Variants in CPE observed in about 807,000 individuals in gnomAD.
CPE encodes the protein carbocypeptidase E.
A neutral mutation model predicts 53.5 loss-of-function variants in CPE; 17 were observed. That is an observed-to-expected ratio of 0.32 (90% confidence interval 0.22 to 0.48). The LOEUF is 0.48. Ranked by LOEUF, CPE falls within the 20% of genes least tolerant of loss-of-function variation. The pLI is 0.99. For missense variants in CPE, 524 were observed against 614.7 expected (o/e 0.85, Z 1.56); for synonymous variants, 226 against 228.8 (o/e 0.99, Z 0.11).
At chr4:165,493,058 G>A (rs1182210733) in intron 6 of CPE, 113 bp from the exon 7 acceptor site, 1 of 641,346 alleles carries the variant, frequency 1.6e-6, no homozygotes, top group Non-Finnish European at 2.7e-6. Context: ...AAACAATGGG[G>A]GTCTACGGTA....
At position 165,483,383 on chromosome 4, in the gene CPE, T is replaced by C. The variant is rs867926161; in HGVS notation, c.790+1024T>C. Among the ~76,000 whole-genome samples, 42 of 152,254 alleles carry C rather than the reference T, an allele frequency of 2.8e-4. 1 individual carries two copies. The highest frequency in any genetic ancestry group is 1.5e-4 in the Non-Finnish European group (10 of 68,040). ...TATGTACCACATTTTCTTTATCTAATCAACCATTGATGGACAATTAGGTTG... is the reference window on the plus strand; with the variant it reads ...TATGTACCACATTTTCTTTATCTAACCAACCATTGATGGACAATTAGGTTG... On this transcript the variant is annotated intron_variant, in intron 4 of 8. Coordinates refer to ENST00000402744, the MANE Select transcript of CPE (RefSeq NM_001873.4).
intron 1 of CPE, among the ~76,000 whole-genome samples, chr4:165,416,735 C>A (rs1001454913): frequency 2.0e-5 from 3 of 151,830 alleles, no homozygotes; most frequent in African/African-American, 4.8e-5. Context: ...CTAGATAGTG[C>A]GGTGGCCCCA....
Position 165,392,186 on chromosome 4 carries a change from A to G in CPE, c.307+12658A>G, listed in dbSNP as rs1399118286. On this transcript the variant is annotated intron_variant, in intron 1 of 8. Transcript: ENST00000402744. ...GAGCATATACTAATAGAAATATAAT[A>G]TACTTATATATATATAGTATATGTA... Among the ~76,000 whole-genome samples the G allele has an allele frequency of 2.0e-5, 3 of 147,424 alleles. No individual in the cohort carries two copies. The East Asian group carries it at 5.8e-4, about 29-fold the overall frequency.
intron 1 of CPE, among the ~76,000 whole-genome samples, chr4:165,448,022 G>A (rs978470203): frequency 6.6e-6 from 1 of 152,034 alleles, no homozygotes; most frequent in African/African-American, 2.4e-5. Flanking sequence ...CTAAATATAT[G>A]CATGTATATA....
At chr4:165,453,332 T>TTCTTTCC (rs1731846225) in intron 1 of CPE, among the ~76,000 whole-genome samples, 1 of 149,458 alleles carries the variant, frequency 6.7e-6, no homozygotes, top group African/African-American at 2.5e-5. Flanking sequence ...TCCTTCCTTC[T>TTCTTTCC]TTCCTTCCTT....
chr4:165,457,490 T>C (rs1731921482), intron 1 of CPE, among the ~76,000 whole-genome samples: 1 of 152,248 alleles, frequency 6.6e-6, no homozygotes, highest in South Asian at 2.1e-4. Context: ...ATACCTTCTG[T>C]TCTTTTGCTC....
intron 1 of CPE, among the ~76,000 whole-genome samples, chr4:165,434,796 A>T (rs1203307264): frequency 6.6e-6 from 1 of 152,094 alleles, no homozygotes; most frequent in East Asian, 1.9e-4. Flanking sequence ...GACCCCTCCA[A>T]ATCTCATGTT....
chr4:165,455,040 C>A (rs1560887379), intron 1 of CPE, among the ~76,000 whole-genome samples: 1 of 152,216 alleles, frequency 6.6e-6, no homozygotes. Flanking sequence ...ACATAACTAT[C>A]TTGGAAAACC....
intron 1 of CPE, chr4:165,403,927 T>A (rs1376303529): frequency 4.0e-6 from 2 of 499,906 alleles, no homozygotes; most frequent in Non-Finnish European, 7.4e-6. Context: ...TGAAGGCACT[T>A]TAATCAGGGA....
chr4:165,386,329 T>C (rs747306944), intron 1 of CPE: 3 of 478,418 alleles, frequency 6.3e-6, no homozygotes, highest in Non-Finnish European at 1.2e-5. Context: ...TTGTATTTTG[T>C]TTATATATAT....
chr4:165,418,122 G>A (rs1731155309), intron 1 of CPE: 1 of 152,192 alleles, frequency 6.6e-6, no homozygotes, highest in Non-Finnish European at 1.5e-5. Context: ...TAATAAGGGT[G>A]TTGTTTAAAA....
At chr4:165,489,282 C>A (rs1257477723) in intron 6 of CPE, among the ~76,000 whole-genome samples, 2 of 151,948 alleles carry the variant, frequency 1.3e-5, no homozygotes, top group East Asian at 1.9e-4. Context: ...ATTTAATAAT[C>A]TTTAAATGTT....
At chr4:165,410,056 T>C (rs934907326) in intron 1 of CPE, among the ~76,000 whole-genome samples, 13 of 152,046 alleles carry the variant, frequency 8.6e-5, no homozygotes, top group African/African-American at 3.1e-4. Context: ...GAGACCAGCC[T>C]GGCCAACATG....
chr4:165,467,965 G>T lies in CPE; in HGVS notation c.672+110G>T, dbSNP rs1732138845. On this transcript the variant is annotated intron_variant, in intron 3 of 8. Transcript: ENST00000402744. ...GGAGTAACATCACAGCTTGTATGGG[G>T]TGGTTAACTGTGGCTTTAAGTCAAG... The T allele has an allele frequency of 3.3e-6, 4 of 1,194,848 alleles. No individual in the cohort carries two copies. The South Asian group carries it at 6.4e-5, about 19-fold the overall frequency. The allele number at this position is 1,194,848 out of a possible 1,614,324, so 74.0% of individuals were successfully genotyped here.
At chr4:165,380,660 A>G (rs977338918) in intron 1 of CPE, among the ~76,000 whole-genome samples, 1 of 152,218 alleles carries the variant, frequency 6.6e-6, no homozygotes, top group African/African-American at 2.4e-5. Flanking sequence ...ATGATACGTA[A>G]GAACCAAACT....
At chr4:165,455,869 T>C (rs142464994) in intron 1 of CPE, among the ~76,000 whole-genome samples, 2,665 of 152,256 alleles carry the variant, frequency 0.018, 74 homozygotes, top group African/African-American at 0.059. Flanking sequence ...GCCAGGCTGG[T>C]GTGGAACTCC....
chr4:165,440,117 T>A (rs1198055666), intron 1 of CPE, among the ~76,000 whole-genome samples: 1 of 152,194 alleles, frequency 6.6e-6, no homozygotes, highest in African/African-American at 2.4e-5. Flanking sequence ...TGTGCATGTG[T>A]GTGTGTTTTT....
chr4:165,407,423 A>G (rs1334197725), intron 1 of CPE, among the ~76,000 whole-genome samples: 1 of 147,592 alleles, frequency 6.8e-6, no homozygotes, highest in African/African-American at 2.5e-5. Flanking sequence ...TTTTTTTGAG[A>G]TGGGGTCCGG....
At chr4:165,404,766 T>C (rs1730926049) in intron 1 of CPE, 5 of 780,544 alleles carry the variant, frequency 6.4e-6, no homozygotes, top group Non-Finnish European at 1.2e-5. Flanking sequence ...TTCCCCTGCT[T>C]GAGACCGATT....
Sources: gnomAD v4.1 joint callset for allele counts (sites outside exome capture counted in the v4.1 genomes callset) on GRCh38, gnomAD v4.1.1 for gene constraint, MANE v1.5 for transcripts, NCBI Gene and HGNC (gene_info 2026-07-23, HGNC 2026-07-21) for gene names.